Variants in PCDH11X observed in about 807,000 individuals in gnomAD.
PCDH11X encodes protocadherin-11 X-linked.
A neutral mutation model predicts 53.3 loss-of-function variants in PCDH11X; 18 were observed. The observed-to-expected ratio is 0.34, with a 90% CI of 0.23 to 0.50. The LOEUF (loss-of-function observed/expected upper bound fraction) is 0.50. Ranked by LOEUF, PCDH11X falls within the 20% of genes least tolerant of loss-of-function variation. The pLI, the probability that PCDH11X is intolerant of heterozygous loss-of-function variation, is 0.98. For missense variants in PCDH11X, 570 were observed against 1,032.4 expected, an observed-to-expected ratio of 0.55 and a Z score of 6.14; for synonymous variants, 279 against 393.3, an observed-to-expected ratio of 0.71 and a Z score of 3.44.
chrX:92,104,438 A>T (rs1415073605), intron 6 of PCDH11X, among the ~76,000 whole-genome samples: 12 of 110,861 alleles, frequency 1.1e-4, no homozygotes, highest in African/African-American at 3.6e-4. Flanking sequence ...CTGATGTGTA[A>T]AAGAATGCCT....
chrX:92,215,075 A>G (rs771135725), intron 7 of PCDH11X, among the ~76,000 whole-genome samples: 129 of 111,416 alleles, frequency 1.2e-3, no homozygotes, highest in African/African-American at 4.0e-3. Context: ...GAAGCAGCCA[A>G]GATGGCCGAA....
intron 5 of PCDH11X, among the ~76,000 whole-genome samples, chrX:91,847,104 A>T (rs72605166): frequency 0.2 from 21,984 of 109,710 alleles, 1,848 homozygotes; most frequent in East Asian, 0.31. Context: ...GTGTACAAAG[A>T]TTCATTTTGT....
intron 6 of PCDH11X, among the ~76,000 whole-genome samples, chrX:92,027,508 G>A (rs771554905): frequency 1.8e-5 from 2 of 111,237 alleles, no homozygotes; most frequent in South Asian, 7.4e-4. Flanking sequence ...AAAGAGAAAC[G>A]GTAGTCATAA....
chrX:92,103,660 C>T (rs35430486), intron 6 of PCDH11X, among the ~76,000 whole-genome samples: 2 of 111,939 alleles, frequency 1.8e-5, no homozygotes, highest in Non-Finnish European at 3.8e-5. Flanking sequence ...GGGCTGCGGG[C>T]GTTCCTTGGC....
rs749999545 is a variant in PCDH11X, at chrX:92,528,354, G to A, written c.3367+60032G>A. On this transcript the variant is annotated intron_variant, in intron 10 of 10. Transcript: ENST00000682573. Reference sequence around the variant, plus strand: ...GTTGCCTAGGCTGAAGTGCAATGGCGCAATTTTGGCTTACCGCAACCTCCG... The same window carrying A: ...GTTGCCTAGGCTGAAGTGCAATGGCACAATTTTGGCTTACCGCAACCTCCG... 9.8e-5 allele frequency among the ~76,000 whole-genome samples: 11 copies of A among 111,832 alleles called. No individual in the cohort carries two copies. In the East Asian group the frequency reaches 3.1e-3, roughly 32 times the overall value.
chrX:91,889,873 C>T (rs780604302), intron 6 of PCDH11X, among the ~76,000 whole-genome samples: 8 of 111,346 alleles, frequency 7.2e-5, no homozygotes, highest in African/African-American at 2.0e-4. Flanking sequence ...ATAAAGTTGT[C>T]GTTATCTGAA....
intron 6 of PCDH11X, among the ~76,000 whole-genome samples, chrX:91,974,724 C>T (rs954084536): frequency 1.8e-5 from 2 of 108,120 alleles, no homozygotes; most frequent in East Asian, 5.9e-4. Context: ...TGCCTAGAGG[C>T]GTGAAATAAT....
intron 6 of PCDH11X, among the ~76,000 whole-genome samples, chrX:92,132,551 C>T (rs75068191): frequency 3.0e-5 from 3 of 100,334 alleles, no homozygotes; most frequent in South Asian, 4.5e-4. Context: ...GAGGTTGCAG[C>T]GAGCCGAGAT....
chrX:92,370,466 T>C (rs1286047394), intron 8 of PCDH11X, among the ~76,000 whole-genome samples: 3 of 105,017 alleles, frequency 2.9e-5, no homozygotes, highest in African/African-American at 6.9e-5. Flanking sequence ...TTTTCTTTTT[T>C]TTTTTTTTTT....
intron 6 of PCDH11X, among the ~76,000 whole-genome samples, chrX:92,111,001 G>A (rs2064491611): frequency 9.3e-6 from 1 of 107,900 alleles, no homozygotes; most frequent in Non-Finnish European, 1.9e-5. Flanking sequence ...TCAACATCTG[G>A]GGTATTCTAG....
At chrX:92,578,899 A>G (rs1013036709) in intron 10 of PCDH11X, among the ~76,000 whole-genome samples, 3 of 110,610 alleles carry the variant, frequency 2.7e-5, no homozygotes, top group Non-Finnish European at 5.7e-5. Flanking sequence ...CTTCCTTTCC[A>G]TATTTAGTGC....
chrX:92,558,208 G>A (rs1194672981), intron 10 of PCDH11X, among the ~76,000 whole-genome samples: 1 of 109,548 alleles, frequency 9.1e-6, no homozygotes, highest in Non-Finnish European at 1.9e-5. Flanking sequence ...TGAATATGCA[G>A]CATTCAAAAC....
chrX:92,475,966 CTG>C (rs746678591), intron 10 of PCDH11X, among the ~76,000 whole-genome samples: 1 of 111,647 alleles, frequency 9.0e-6, no homozygotes, highest in Admixed American at 9.5e-5. Context: ...TATTAAAAGA[CTG>C]ATATTGTTTG....
rs191879578 is a variant in PCDH11X, at chrX:92,231,141, C to A, written c.3114+29686C>A. Among the ~76,000 whole-genome samples the A allele has an allele frequency of 3.9e-3, 439 of 111,600 alleles. 3 individuals carry two copies. Among genetic ancestry groups the A allele is most frequent in the Admixed American group, 7.5e-3 (78 of 10,425 alleles). ...TGTGTCTATGTATCATAGATAACTT[C>A]ACCCAAATTAGAAACAGAAACGGAC... On this transcript the variant is annotated intron_variant, in intron 7 of 10. Coordinates refer to ENST00000682573, the MANE Select transcript of PCDH11X (RefSeq NM_032968.5).
chrX:91,956,194 G>T (rs2061708211), intron 6 of PCDH11X, among the ~76,000 whole-genome samples: 2 of 110,924 alleles, frequency 1.8e-5, no homozygotes, highest in Non-Finnish European at 3.8e-5. Flanking sequence ...CAATGGGTTT[G>T]GCTCTTTATC....
intron 6 of PCDH11X, among the ~76,000 whole-genome samples, chrX:91,896,938 A>T: frequency 2.8e-5 from 2 of 71,213 alleles, no homozygotes; most frequent in Non-Finnish European, 4.9e-5. Context: ...TTTTCCCAAC[A>T]CTCTTTGCAC....
At chrX:92,451,187 G>A (rs776870393) in intron 9 of PCDH11X, among the ~76,000 whole-genome samples, 180 of 110,793 alleles carry the variant, frequency 1.6e-3, no homozygotes, top group African/African-American at 5.7e-3. Context: ...ACAGTAACCC[G>A]ACTGCTACAC....
chrX:92,598,858 T>TA (rs1294530321), intron 10 of PCDH11X, among the ~76,000 whole-genome samples: 3 of 102,927 alleles, frequency 2.9e-5, no homozygotes, highest in African/African-American at 7.2e-5. Flanking sequence ...TTCATTCACA[T>TA]AAAAAATGAG....
intron 7 of PCDH11X, among the ~76,000 whole-genome samples, chrX:92,206,074 T>C (rs1447301056): frequency 1.8e-5 from 2 of 112,013 alleles, no homozygotes; most frequent in African/African-American, 6.5e-5. Flanking sequence ...TACTTTTTTC[T>C]TGAAGATCTT....
Sources: gnomAD v4.1 joint callset for allele counts (sites outside exome capture counted in the v4.1 genomes callset) on GRCh38, gnomAD v4.1.1 for gene constraint, MANE v1.5 for transcripts, NCBI Gene and HGNC (gene_info 2026-07-23, HGNC 2026-07-21) for gene names.